Variants in GSDMB observed in about 807,000 individuals in gnomAD.
The protein encoded by GSDMB is gasdermin B.
Under a neutral mutation model 42.9 loss-of-function variants are expected in GSDMB, and 32 were observed. That is an observed-to-expected ratio of 0.75 (90% CI 0.56 to 1.00). The LOEUF is 1.00. Ranked by LOEUF, GSDMB falls within the 50% of genes least tolerant of loss-of-function variation. The probability of loss-of-function intolerance (pLI) is 0.00; values close to 1 mark genes in which losing one functional copy is unlikely to be tolerated. For missense variants in GSDMB, 468 were observed against 498.5 expected, an observed-to-expected ratio of 0.94 and a Z score of 0.58; for synonymous variants, 175 against 193.7, an observed-to-expected ratio of 0.90 and a Z score of 0.80.
intron 3 of GSDMB, among the ~76,000 whole-genome samples, chr17:39,910,621 T>C (rs1329700330): frequency 6.6e-6 from 1 of 152,176 alleles, no homozygotes; most frequent in Non-Finnish European, 1.5e-5. Flanking sequence ...AGACACCCTC[T>C]TCTCTGACAA....
chr17:39,917,650 T>C, intron 1 of GSDMB: 1 of 314,372 alleles, frequency 3.2e-6, no homozygotes, highest in South Asian at 3.0e-5. Flanking sequence ...TACTTTGTAA[T>C]ATTTCTCCAC....
chr17:39,912,338 G>T lies in GSDMB; in HGVS notation c.395C>A (p.Thr132Asn). Residue 132 changes from threonine to asparagine, a missense_variant, in exon 3 of 11, where the codon ACC becomes AAC. Thr to Asn is a moderately conservative substitution (Grantham distance 65). Coordinates refer to ENST00000418519, the MANE Select transcript of GSDMB (RefSeq NM_001165958.2). ...ENRISQQYLA[T>N]LENRKLKREL... ...ACTCCAACCTCACCTGTTTTCAAGGGTAGCCAGATACTGCTGGGATATCCG... is the reference window on the plus strand; with the variant it reads ...ACTCCAACCTCACCTGTTTTCAAGGTTAGCCAGATACTGCTGGGATATCCG... 1 of 1,613,760 alleles carries T rather than the reference G, an allele frequency of 6.2e-7. No individual in the cohort carries two copies. The highest frequency in any genetic ancestry group is 8.5e-7 in the Non-Finnish European group (1 of 1,179,850).
chr17:39,906,431 C>A, intron 7 of GSDMB, 160 bp from the exon 8 acceptor site: 1 of 910,096 alleles, frequency 1.1e-6, no homozygotes. Flanking sequence ...TCCAAGATAC[C>A]TACCATCATT....
At chr17:39,907,216 G>A (rs1023187152) in intron 6 of GSDMB, 9 of 1,346,770 alleles carry the variant, frequency 6.7e-6, no homozygotes, top group African/African-American at 5.9e-5. Flanking sequence ...GATGATTGAG[G>A]AAGAAGCCAA....
rs1442103888 is a variant in GSDMB at position 39,917,184 on chromosome 17, T to G, written c.133A>C (p.Thr45Pro). 1.9e-6 allele frequency: 3 copies of G among 1,613,956 alleles called. No individual in the cohort carries two copies. The East Asian group carries it at 6.7e-5, about 36-fold the overall frequency. The change falls in exon 2 of 11, where the codon ACT (threonine) becomes CCT (proline). Residue 45 changes from threonine to proline, a missense_variant. By Grantham distance (38) the Thr-to-Pro change is conservative (BLOSUM62 -1). Coordinates refer to ENST00000418519, the MANE Select transcript of GSDMB (RefSeq NM_001165958.2). ...RCFHLVGEKRTFFGCRHYTTG... is the reference protein window; with the variant it reads ...RCFHLVGEKRPFFGCRHYTTG... ...GTGTAGTGCCGGCATCCAAAGAAAG[T>G]TCTCTTCTCCCCCACCAGATGGAAG...
chr17:39,908,344 GAC>G (rs2063544156), intron 5 of GSDMB, 130 bp from the exon 6 acceptor site: 1 of 499,550 alleles, frequency 2.0e-6, no homozygotes, highest in African/African-American at 2.7e-5. Context: ...AAAAAAAAAA[GAC>G]AACTGTTTTT....
At chr17:39,912,299 T>C in intron 3 of GSDMB, 27 bp downstream of exon 3, 1 of 1,588,200 alleles carries the variant, frequency 6.3e-7, no homozygotes, top group East Asian at 2.2e-5. Context: ...CTTCCCCTCC[T>C]TCCCTGCTGC....
chr17:39,910,038 GA>G, intron 3 of GSDMB, 114 bp from the exon 4 acceptor site: 1 of 798,200 alleles, frequency 1.3e-6, no homozygotes, highest in Non-Finnish European at 2.0e-6. Context: ...TCTGAGACTG[GA>G]AAACCAAGGA....
intron 5 of GSDMB, among the ~76,000 whole-genome samples, chr17:39,908,752 T>C (rs1166476087): frequency 2.0e-5 from 3 of 152,202 alleles, no homozygotes; most frequent in African/African-American, 7.2e-5. Flanking sequence ...AGGCAAATCC[T>C]GGGTCAGCGG....
At chr17:39,915,421 C>T (rs1372948564) in intron 2 of GSDMB, among the ~76,000 whole-genome samples, 1 of 152,146 alleles carries the variant, frequency 6.6e-6, no homozygotes, top group East Asian at 1.9e-4. Context: ...CCTCTGCCTC[C>T]GAATTTTGTA....
intron 3 of GSDMB, 151 bp downstream of exon 3, chr17:39,912,175 G>A: frequency 1.7e-6 from 1 of 601,824 alleles, no homozygotes; most frequent in Non-Finnish European, 2.9e-6. Flanking sequence ...CTGCCCTAGA[G>A]AGCCAGTCCC....
rs1182645605 is a variant in GSDMB at position 39,906,733 on chromosome 17, C to T, written c.727+228G>A. On this transcript the variant is annotated intron_variant, in intron 7 of 10. Coordinates refer to ENST00000418519, the MANE Select transcript of GSDMB (RefSeq NM_001165958.2). ...AGAGTTTCTGGAGACGGGACTCAGT[C>T]GTCACTAGTTTTAAAGTTTCCTGGT... 1.3e-5 allele frequency: 17 copies of T among 1,283,776 alleles called. No individual in the cohort carries two copies. The South Asian group carries it at 2.6e-4, about 20-fold the overall frequency. The allele number at this position is 1,283,776 out of a possible 1,614,324, so 79.5% of individuals were successfully genotyped here. A position where few individuals can be genotyped will look rare whatever the true frequency, so the allele number is the denominator to read the frequency against.
intron 6 of GSDMB, chr17:39,907,537 C>G (rs1395456239): frequency 6.6e-6 from 1 of 151,970 alleles, no homozygotes; most frequent in Admixed American, 6.6e-5. Context: ...AACCCTGTCT[C>G]TACTAAAAAT....
intron 2 of GSDMB, among the ~76,000 whole-genome samples, chr17:39,915,084 G>A (rs912861931): frequency 5.9e-5 from 9 of 152,144 alleles, no homozygotes; most frequent in South Asian, 2.1e-4. Context: ...TGATCCGCCC[G>A]CCTCAGCCTC....
Position 39,906,133 on chromosome 17 carries a change from A to G in GSDMB, c.866T>C (p.Ile289Thr). The change falls in exon 8 of 11, where the codon ATT becomes ACT. Residue 289 changes from isoleucine to threonine, a missense_variant. Coordinates refer to ENST00000418519, the MANE Select transcript of GSDMB (RefSeq NM_001165958.2). Reference sequence around the variant, plus strand: ...TACTCTTTGCTCTAGATCCTGCCGAATATCCTCCTTGCCGAGGCACTTAGC... The same window carrying G: ...TACTCTTTGCTCTAGATCCTGCCGAGTATCCTCCTTGCCGAGGCACTTAGC... ...SLAKCLGKEDIRQDLEQRVSE... is the reference protein window; with the variant it reads ...SLAKCLGKEDTRQDLEQRVSE... 2 of 1,614,180 alleles carry G rather than the reference A, an allele frequency of 1.2e-6. No individual in the cohort carries two copies. The highest frequency in any genetic ancestry group is 1.7e-6 in the Non-Finnish European group (2 of 1,180,044).
At chr17:39,906,856 C>T in intron 7 of GSDMB, 105 bp downstream of exon 7, 1 of 1,585,016 alleles carries the variant, frequency 6.3e-7, no homozygotes, top group South Asian at 1.1e-5. Context: ...TGCCTCCCGA[C>T]TTCCTACCCA....
At chr17:39,914,461 T>G (rs542659683) in intron 2 of GSDMB, among the ~76,000 whole-genome samples, 38 of 151,976 alleles carry the variant, frequency 2.5e-4, no homozygotes, top group Non-Finnish European at 3.7e-4. Context: ...GGACACTAGG[T>G]CAAAACTAAG....
Position 39,905,855 on chromosome 17 carries a change from GC to G in GSDMB, c.1018del (p.Ala340ProfsTer3), listed in dbSNP as rs778762586. Reference protein sequence around the residue: ...RAKAILDFLDALLELSEEQQF... With the variant: ...RAKAILDFLDXLLELSEEQQF... ...GCGAGACCCTTCCTCACCTAGCAGG[GC>G]ATCCAGGAAGTCCAGAATGGCTTTT... On this transcript the variant is annotated frameshift_variant, in exon 9 of 11. Transcript: ENST00000418519. LOFTEE classifies it high-confidence loss of function. 2 of 1,613,618 alleles carry G rather than the reference GC, an allele frequency of 1.2e-6. No individual in the cohort carries two copies. Among genetic ancestry groups the G allele is most frequent in the African/African-American group, 2.7e-5 (2 of 74,874 alleles).
At chr17:39,906,690 C>CG in intron 7 of GSDMB, 1 of 1,105,878 alleles carries the variant, frequency 9.0e-7, no homozygotes, top group South Asian at 2.3e-5. Flanking sequence ...GTCCAGGCCA[C>CG]ACCCCCACAA....
Sources: gnomAD v4.1 joint callset for allele counts (sites outside exome capture counted in the v4.1 genomes callset) on GRCh38, gnomAD v4.1.1 for gene constraint, MANE v1.5 for transcripts, NCBI Gene and HGNC (gene_info 2026-07-23, HGNC 2026-07-21) for gene names.